The following MYO1B variants were observed in gnomAD, a reference collection of about 807,000 sequenced individuals.
MYO1B encodes the protein myosin IB, also known as unconventional myosin-Ib.
A neutral mutation model predicts 159.7 loss-of-function variants in MYO1B; 72 were observed. The ratio of observed to expected loss-of-function variants is 0.45; its 90% CI spans 0.37 to 0.55. The LOEUF (loss-of-function observed/expected upper bound fraction) is 0.55, where lower values mean the gene tolerates loss of function less well. Among genes scored for constraint, MYO1B ranks in the 20% least tolerant of loss-of-function variants. The pLI, the probability that MYO1B is intolerant of heterozygous loss-of-function variation, is 0.00. For synonymous variants in MYO1B, 468 were observed against 473.8 expected (o/e 0.99, Z 0.16); for missense variants, 1,062 against 1,364.8 (o/e 0.78, Z 3.50).
rs535109152 is a variant in MYO1B, at chr2:191,423,354, A to C, written c.3288-483A>C. The stretch of plus-strand genomic sequence containing the variant: ...GTACAGTAAAAATACAGTATAAAAG[A>C]CAAAAAAATGGTACGACTGTATAGG... On this transcript the variant is annotated intron_variant, in intron 30 of 30. Coordinates refer to ENST00000392318, the MANE Select transcript of MYO1B (RefSeq NM_001130158.3). Among the ~76,000 whole-genome samples the C allele has an allele frequency of 5.3e-5, 8 of 152,322 alleles. No homozygotes were observed. In the South Asian group the frequency reaches 1.7e-3, roughly 32 times the overall value.
intron 13 of MYO1B, among the ~76,000 whole-genome samples, chr2:191,378,160 G>A (rs964481764): frequency 6.6e-6 from 1 of 152,148 alleles, no homozygotes; most frequent in Non-Finnish European, 1.5e-5. Context: ...TGTCCCTGGG[G>A]TGGGAAAGGG....
At position 191,361,871 on chromosome 2, in the gene MYO1B, C is replaced by T. The variant is rs1488999554; in HGVS notation, c.662-397C>T. On this transcript the variant is annotated intron_variant, in intron 8 of 30. Transcript: ENST00000392318. ...ATTGGTATGAAGACATTTATCACTG[C>T]TCTATATTTATTATTATAAACTAGA... Among the ~76,000 whole-genome samples, 9 of 152,108 alleles carry T rather than the reference C, an allele frequency of 5.9e-5. No individual in the cohort carries two copies. The East Asian group carries it at 1.7e-3, about 29-fold the overall frequency.
At chr2:191,342,973 G>A (rs1692320225) in intron 5 of MYO1B, among the ~76,000 whole-genome samples, 1 of 152,178 alleles carries the variant, frequency 6.6e-6, no homozygotes. Context: ...TTATGGTGGA[G>A]TAAGGTTTCT....
chr2:191,383,674 G>A (rs1386085423), intron 15 of MYO1B, among the ~76,000 whole-genome samples: 1 of 151,168 alleles, frequency 6.6e-6, no homozygotes, highest in African/African-American at 2.4e-5. Context: ...GATCCCCAGT[G>A]GCCATATCAC....
At chr2:191,332,614 A>G (rs1051357291) in intron 4 of MYO1B, among the ~76,000 whole-genome samples, 1 of 152,172 alleles carries the variant, frequency 6.6e-6, no homozygotes, top group Non-Finnish European at 1.5e-5. Flanking sequence ...GCTTATTTAC[A>G]TGTATGAGAT....
intron 3 of MYO1B, among the ~76,000 whole-genome samples, chr2:191,319,294 G>T (rs1335426686): frequency 6.6e-6 from 1 of 152,116 alleles, no homozygotes; most frequent in Non-Finnish European, 1.5e-5. Flanking sequence ...AATGGGAGTG[G>T]AAACCATCTG....
At chr2:191,263,146 G>A (rs959746745) in intron 1 of MYO1B, 1 of 160,338 alleles carries the variant, frequency 6.2e-6, no homozygotes, top group Non-Finnish European at 1.3e-5. Flanking sequence ...ATGTATCCAT[G>A]ATGGACTCTC....
intron 3 of MYO1B, among the ~76,000 whole-genome samples, chr2:191,307,274 C>T (rs1460627510): frequency 6.6e-6 from 1 of 151,954 alleles, no homozygotes; most frequent in Non-Finnish European, 1.5e-5. Context: ...CCCAACATTG[C>T]CATGGCATTT....
At chr2:191,337,141 A>T (rs1352607763) in intron 4 of MYO1B, among the ~76,000 whole-genome samples, 1 of 152,190 alleles carries the variant, frequency 6.6e-6, no homozygotes, top group Non-Finnish European at 1.5e-5. Flanking sequence ...ATTAACATAG[A>T]TAGGTTTAGG....
Position 191,409,138 on chromosome 2 carries a change from C to G in MYO1B, c.2726C>G (p.Ser909Cys). 1 of 1,612,888 alleles carries G rather than the reference C, an allele frequency of 6.2e-7. No individual in the cohort carries two copies. The highest frequency in any genetic ancestry group is 1.7e-4 in the Middle Eastern group (1 of 6,052). The stretch of plus-strand genomic sequence containing the variant: ...TCAAGACCTTACTTATTCTTGGATT[C>G]TACTCACAAGGAGCTAAAAAGGATT... The part of the protein sequence containing the change: ...WPSRPYLFLD[S>C]THKELKRIFH... The change falls in exon 26 of 31, where the codon TCT (serine) becomes TGT (cysteine). Residue 909 changes from serine to cysteine, a missense_variant. Coordinates refer to ENST00000392318, the MANE Select transcript of MYO1B (RefSeq NM_001130158.3).
chr2:191,350,257 GT>G lies in MYO1B; in HGVS notation c.562+34del, dbSNP rs772793767. ...ATTTTTCTTCAGTCCTTGTAAAGAA[GT>G]TCAGAATACTAAAACATATATTTAT... On this transcript the variant is annotated intron_variant, in intron 7 of 30. Coordinates refer to ENST00000392318, the MANE Select transcript of MYO1B (RefSeq NM_001130158.3). The G allele has an allele frequency of 4.7e-6, 7 of 1,499,676 alleles. No individual in the cohort carries two copies. The Admixed American group carries it at 1.2e-4, about 25-fold the overall frequency. 92.9% of individuals were successfully genotyped at this position (1,499,676 alleles called of 1,614,324 possible).
chr2:191,422,059 A>G (rs982050371), intron 30 of MYO1B, among the ~76,000 whole-genome samples: 12 of 152,180 alleles, frequency 7.9e-5, no homozygotes, highest in African/African-American at 2.2e-4. Context: ...TGTTTGCAAA[A>G]TGTGGCCTCT....
intron 2 of MYO1B, among the ~76,000 whole-genome samples, chr2:191,282,980 T>A (rs1036574426): frequency 4.6e-5 from 7 of 152,228 alleles, no homozygotes; most frequent in Non-Finnish European, 1.0e-4. Flanking sequence ...AGTGTAGCTT[T>A]GGTGTTTGAA....
At chr2:191,257,792 G>A (rs1299239325) in intron 1 of MYO1B, among the ~76,000 whole-genome samples, 2 of 152,208 alleles carry the variant, frequency 1.3e-5, no homozygotes, top group Non-Finnish European at 2.9e-5. Flanking sequence ...CTACACAATT[G>A]AGTGTAAAAT....
intron 1 of MYO1B, among the ~76,000 whole-genome samples, chr2:191,267,673 C>T (rs1219460597): frequency 6.6e-6 from 1 of 152,230 alleles, no homozygotes; most frequent in Non-Finnish European, 1.5e-5. Flanking sequence ...CCCTGCAGGG[C>T]ACCCCGTGTG....
At chr2:191,291,764 C>G (rs1688700665) in intron 2 of MYO1B, among the ~76,000 whole-genome samples, 1 of 152,216 alleles carries the variant, frequency 6.6e-6, no homozygotes, top group Non-Finnish European at 1.5e-5. Context: ...ATCTGATTCA[C>G]AAGTCCAAAT....
chr2:191,400,077 T>G (rs1019606310), intron 21 of MYO1B, among the ~76,000 whole-genome samples: 1 of 152,214 alleles, frequency 6.6e-6, no homozygotes, highest in African/African-American at 2.4e-5. Flanking sequence ...CTGGCCCCTT[T>G]CTGAGAACTG....
At position 191,332,483 on chromosome 2, in the gene MYO1B, A is replaced by C. The variant is rs541760961; in HGVS notation, c.346+2454A>C. ...TTTATTAATTTTGGTCCATTGTTAC[A>C]ACCTCTTGAGAAGCTGACAAATCCT... On this transcript the variant is annotated intron_variant, in intron 4 of 30. Coordinates refer to ENST00000392318, the MANE Select transcript of MYO1B (RefSeq NM_001130158.3). 3.9e-5 allele frequency among the ~76,000 whole-genome samples: 6 copies of C among 152,254 alleles called. No individual in the cohort carries two copies. In the East Asian group the frequency reaches 1.2e-3, roughly 29 times the overall value.
In MYO1B at chr2:191,338,583, T is replaced by C. The variant is rs904701595; in HGVS notation, c.347-2878T>C. Among the ~76,000 whole-genome samples, 4 of 152,306 alleles carry C rather than the reference T, an allele frequency of 2.6e-5. No homozygotes were observed. In the South Asian group the frequency reaches 8.3e-4, roughly 32 times the overall value. On this transcript the variant is annotated intron_variant, in intron 4 of 30. Transcript: ENST00000392318. Reference sequence around the variant, plus strand: ...TTGTTCTGGCCATTAAAAAGGTCTCTGAGAGGTCAAATCAATTCTAGTAGC... The same window carrying C: ...TTGTTCTGGCCATTAAAAAGGTCTCCGAGAGGTCAAATCAATTCTAGTAGC...
Sources: allele counts gnomAD v4.1 joint callset (sites outside exome capture counted in the v4.1 genomes callset), GRCh38; gene constraint gnomAD v4.1.1; transcripts MANE v1.5; gene names NCBI Gene and HGNC (gene_info 2026-07-23, HGNC 2026-07-21).